GABRG3: variants seen among roughly 807,000 people sequenced by gnomAD.
The protein encoded by GABRG3 is gamma-aminobutyric acid type A receptor subunit gamma3, also known as gamma-aminobutyric acid receptor subunit gamma-3.
A neutral mutation model predicts 48.8 loss-of-function variants in GABRG3; 25 were observed. The ratio of observed to expected loss-of-function variants is 0.51; its 90% CI spans 0.37 to 0.72. The LOEUF is 0.72. Ranked by LOEUF, GABRG3 falls within the 30% of genes least tolerant of loss-of-function variation. GABRG3 has a pLI of 0.00. For synonymous variants in GABRG3, 227 were observed against 217.6 expected, an observed-to-expected ratio of 1.04 and a Z score of -0.38; for missense variants, 394 against 577.9, an observed-to-expected ratio of 0.68 and a Z score of 3.26.
chr15:27,422,639 C>CATCTTTTCTAGT (rs1888160137), intron 5 of GABRG3, among the ~76,000 whole-genome samples: 1 of 152,222 alleles, frequency 6.6e-6, no homozygotes, highest in Non-Finnish European at 1.5e-5. Context: ...ACTAAACACT[C>CATCTTTTCTAGT]ATCTTTTCTA....
chr15:27,389,627 GTCTAAC>G (rs1229476137), intron 5 of GABRG3, among the ~76,000 whole-genome samples: 1 of 152,126 alleles, frequency 6.6e-6, no homozygotes. Flanking sequence ...ACATCCCACA[GTCTAAC>G]TCTGATTGGT....
intron 3 of GABRG3, among the ~76,000 whole-genome samples, chr15:27,083,746 C>T (rs1897029143): frequency 1.3e-5 from 2 of 152,178 alleles, no homozygotes; most frequent in South Asian, 4.1e-4. Context: ...TCTTTCCAAA[C>T]AGTGTCACAA....
chr15:27,303,597 G>C (rs1892287098), intron 3 of GABRG3, among the ~76,000 whole-genome samples: 1 of 151,552 alleles, frequency 6.6e-6, no homozygotes, highest in Non-Finnish European at 1.5e-5. Context: ...TGGAAGAAAA[G>C]GAAACGTATC....
intron 7 of GABRG3, among the ~76,000 whole-genome samples, chr15:27,525,130 A>G (rs148830476): frequency 0.016 from 2,506 of 152,214 alleles, 82 homozygotes; most frequent in African/African-American, 0.058. Context: ...GAAAGAACAA[A>G]CTATCGATGA....
At chr15:27,071,835 G>A (rs994615326) in intron 3 of GABRG3, among the ~76,000 whole-genome samples, 5 of 152,204 alleles carry the variant, frequency 3.3e-5, no homozygotes, top group Non-Finnish European at 5.9e-5. Context: ...GTATTCAAGC[G>A]TACTAAGATG....
At chr15:27,288,426 G>C (rs1047022449) in intron 3 of GABRG3, among the ~76,000 whole-genome samples, 1 of 152,020 alleles carries the variant, frequency 6.6e-6, no homozygotes, top group Non-Finnish European at 1.5e-5. Flanking sequence ...ATCTGGAGGT[G>C]ATGGGAGACA....
At chr15:27,346,107 G>GAA (rs764854841) in intron 5 of GABRG3, among the ~76,000 whole-genome samples, 132,975 of 134,994 alleles carry the variant, frequency 0.99, 65,779 homozygotes, top group South Asian at 1. Context: ...AGGAAAGAAA[G>GAA]AGAAAGGAAA....
intron 5 of GABRG3, among the ~76,000 whole-genome samples, chr15:27,469,102 A>G (rs772521234): frequency 2.6e-5 from 4 of 152,176 alleles, no homozygotes; most frequent in Non-Finnish European, 4.4e-5. Flanking sequence ...CATATCCCCC[A>G]TGGAGGCTAC....
At chr15:27,412,968 TC>T (rs1236617409) in intron 5 of GABRG3, among the ~76,000 whole-genome samples, 1 of 152,342 alleles carries the variant, frequency 6.6e-6, no homozygotes, top group Non-Finnish European at 1.5e-5. Flanking sequence ...TTTCTTTGCT[TC>T]CTGTTTATTG....
At chr15:27,078,204 C>T (rs1341955687) in intron 3 of GABRG3, among the ~76,000 whole-genome samples, 2 of 152,132 alleles carry the variant, frequency 1.3e-5, no homozygotes, top group African/African-American at 4.8e-5. Flanking sequence ...GAGTGGGCCT[C>T]ATTTGATCTG....
At chr15:27,315,996 G>A (rs1163956310) in intron 3 of GABRG3, among the ~76,000 whole-genome samples, 1 of 152,104 alleles carries the variant, frequency 6.6e-6, no homozygotes, top group Non-Finnish European at 1.5e-5. Flanking sequence ...GATGCAACTT[G>A]ACAACTTTGA....
chr15:27,497,265 A>C (rs1890509321), intron 6 of GABRG3, among the ~76,000 whole-genome samples: 1 of 152,154 alleles, frequency 6.6e-6, no homozygotes, highest in Non-Finnish European at 1.5e-5. Context: ...CTGATATAAT[A>C]CTTCCTTCCT....
chr15:27,502,399 CA>C (rs1890662086), intron 6 of GABRG3, among the ~76,000 whole-genome samples: 1 of 152,174 alleles, frequency 6.6e-6, no homozygotes, highest in Non-Finnish European at 1.5e-5. Flanking sequence ...GCTGGAAAAA[CA>C]CACACTCAAA....
At chr15:27,333,021 A>C (rs1378698113) in intron 5 of GABRG3, among the ~76,000 whole-genome samples, 1 of 152,166 alleles carries the variant, frequency 6.6e-6, no homozygotes, top group Non-Finnish European at 1.5e-5. Context: ...GTTTATTTAA[A>C]CTTGTTAAAA....
At chr15:27,380,859 G>A (rs1895750127) in intron 5 of GABRG3, among the ~76,000 whole-genome samples, 1 of 150,980 alleles carries the variant, frequency 6.6e-6, no homozygotes, top group African/African-American at 2.4e-5. Flanking sequence ...TCTGCCTCCT[G>A]GGTTCACGCC....
Position 26,974,137 on chromosome 15 carries a change from C to T in GABRG3, c.53+2549C>T, listed in dbSNP as rs1050160617. Among the ~76,000 whole-genome samples, 6 of 152,076 alleles carry T rather than the reference C, an allele frequency of 3.9e-5. No individual in the cohort carries two copies. Among genetic ancestry groups the T allele is most frequent in the Non-Finnish European group, 7.4e-5 (5 of 68,012 alleles). ...CACTGCCCAGGGACCTAGAGCATCT[C>T]GGCCTCACTCTGCCCACTGCCTACC... is the stretch of plus-strand genomic sequence containing the variant. On this transcript the variant is annotated intron_variant, in intron 1 of 9. Coordinates refer to ENST00000615808, the MANE Select transcript of GABRG3 (RefSeq NM_033223.5). The surrounding 1 kb of genome is among the most constrained non-coding windows in gnomAD (Gnocchi z 4.3).
At chr15:27,501,885 T>C (rs1890649642) in intron 6 of GABRG3, among the ~76,000 whole-genome samples, 1 of 152,068 alleles carries the variant, frequency 6.6e-6, no homozygotes, top group Non-Finnish European at 1.5e-5. Flanking sequence ...GATGTGATAT[T>C]GAGACAATGA....
chr15:27,143,198 C>T (rs997454087), intron 3 of GABRG3, among the ~76,000 whole-genome samples: 4 of 152,164 alleles, frequency 2.6e-5, no homozygotes, highest in Admixed American at 2.6e-4. Context: ...CCCACTTCAG[C>T]CTCCCAAGTA....
chr15:27,439,495 CAG>C (rs1445587305), intron 5 of GABRG3, among the ~76,000 whole-genome samples: 1 of 152,118 alleles, frequency 6.6e-6, no homozygotes, highest in African/African-American at 2.4e-5. Context: ...AACACTACCT[CAG>C]AATCATTCCC....
Sources: gnomAD v4.1 joint callset for allele counts (sites outside exome capture counted in the v4.1 genomes callset) on GRCh38, gnomAD v4.1.1 for gene constraint, Gnocchi (gnomAD v3.1) non-coding constraint, MANE v1.5 for transcripts, NCBI Gene and HGNC (gene_info 2026-07-23, HGNC 2026-07-21) for gene names.